The following PRRX2 variants were observed in gnomAD, a reference collection of about 807,000 sequenced individuals.
The protein encoded by PRRX2 is paired related homeobox 2, also known as paired mesoderm homeobox protein 2.
A neutral mutation model predicts 18.0 loss-of-function variants in PRRX2; 11 were observed. The observed-to-expected ratio is 0.61, with a 90% CI of 0.39 to 1.01. The LOEUF is 1.01. Among genes scored for constraint, PRRX2 ranks in the 50% least tolerant of loss-of-function variants. PRRX2 has a pLI of 0.01. For synonymous variants in PRRX2, 177 were observed against 154.8 expected (o/e 1.14, Z -1.06); for missense variants, 387 against 351.0 (o/e 1.10, Z -0.82).
chr9:129,722,653 A>G lies in PRRX2; in HGVS notation c.*301A>G, dbSNP rs1832809988. On this transcript the variant is annotated 3_prime_UTR_variant, in exon 4 of 4. Transcript: ENST00000372469. ...AAAGCTTTTGTCTTTAAGAAATAAA[A>G]CCATTTTTTTAAGCCCCAAAAGGTT... The G allele has an allele frequency of 1.5e-5, 4 of 266,070 alleles. No individual in the cohort carries two copies. The highest frequency in any genetic ancestry group is 2.8e-5 in the Non-Finnish European group (4 of 142,642). The allele number at this position is 266,070 out of a possible 1,614,324, so 16.5% of individuals were successfully genotyped here. A position where few individuals can be genotyped will look rare whatever the true frequency, so the allele number is the denominator to read the frequency against.
At chr9:129,688,354 C>T (rs1038102866) in intron 1 of PRRX2, among the ~76,000 whole-genome samples, 13 of 152,058 alleles carry the variant, frequency 8.5e-5, no homozygotes, top group Admixed American at 5.2e-4. Context: ...TGTGAGTCAC[C>T]GTGCCCGGTC....
At chr9:129,701,465 A>G (rs891428589) in intron 1 of PRRX2, among the ~76,000 whole-genome samples, 1 of 152,256 alleles carries the variant, frequency 6.6e-6, no homozygotes, top group Non-Finnish European at 1.5e-5. Context: ...ATGGAAAGCC[A>G]GAACCAGAAT....
intron 1 of PRRX2, among the ~76,000 whole-genome samples, chr9:129,712,370 C>T (rs959713852): frequency 1.3e-5 from 2 of 152,122 alleles, no homozygotes; most frequent in Non-Finnish European, 2.9e-5. Flanking sequence ...AACGAAGAGG[C>T]TGAGTTTATT....
At chr9:129,708,092 A>G (rs1832579003) in intron 1 of PRRX2, among the ~76,000 whole-genome samples, 3 of 152,004 alleles carry the variant, frequency 2.0e-5, no homozygotes, top group Non-Finnish European at 4.4e-5. Context: ...GCTAGAGTGC[A>G]GTGCGTGATC....
intron 1 of PRRX2, among the ~76,000 whole-genome samples, chr9:129,682,519 G>A (rs533297862): frequency 2.0e-5 from 3 of 152,032 alleles, no homozygotes; most frequent in South Asian, 2.1e-4. Flanking sequence ...CCACTCCTCC[G>A]CCCCAGCCCC....
chr9:129,697,909 T>TG (rs1249660350), intron 1 of PRRX2, among the ~76,000 whole-genome samples: 7 of 151,064 alleles, frequency 4.6e-5, no homozygotes, highest in Non-Finnish European at 7.4e-5. Flanking sequence ...ATGAGGCCTT[T>TG]GGGGCATGCG....
intron 1 of PRRX2, among the ~76,000 whole-genome samples, chr9:129,684,524 C>CACACACACACA (rs1564147490): frequency 0.013 from 565 of 45,048 alleles, 14 homozygotes; most frequent in African/African-American, 0.025. Flanking sequence ...ACACACACAC[C>CACACACACACA]CACACACACC....
intron 1 of PRRX2, among the ~76,000 whole-genome samples, chr9:129,699,430 A>ATAT (rs1554724066): frequency 7.0e-6 from 1 of 143,874 alleles, no homozygotes; most frequent in Non-Finnish European, 1.5e-5. Flanking sequence ...TCTCAAAAAA[A>ATAT]ATATATATAT....
intron 1 of PRRX2, among the ~76,000 whole-genome samples, chr9:129,698,257 CGGGGGGGGGGGG>C (rs56233939): frequency 4.9e-5 from 1 of 20,600 alleles, no homozygotes; most frequent in Non-Finnish European, 1.1e-4. Flanking sequence ...TTGGATGGGG[CGGGGGGGGGGGG>C]GGGCGGGGGC....
chr9:129,711,342 T>C (rs923504069), intron 1 of PRRX2, among the ~76,000 whole-genome samples: 1 of 151,756 alleles, frequency 6.6e-6, no homozygotes, highest in African/African-American at 2.4e-5. Context: ...CGTGTTGGGT[T>C]GTTATGAGGG....
At chr9:129,716,591 AT>A (rs1232173117) in intron 1 of PRRX2, among the ~76,000 whole-genome samples, 1 of 151,598 alleles carries the variant, frequency 6.6e-6, no homozygotes, top group Non-Finnish European at 1.5e-5. Context: ...AGTAGCTGGG[AT>A]TACAGGCATG....
chr9:129,698,958 C>T (rs1832462795), intron 1 of PRRX2, among the ~76,000 whole-genome samples: 1 of 152,206 alleles, frequency 6.6e-6, no homozygotes, highest in South Asian at 2.1e-4. Flanking sequence ...GCTGGAGGGC[C>T]ATCAGGATAG....
In PRRX2 at chr9:129,717,325, G is replaced by A. The variant is rs527385987; in HGVS notation, c.260-1906G>A. On this transcript the variant is annotated intron_variant, in intron 1 of 3. Coordinates refer to ENST00000372469, the MANE Select transcript of PRRX2 (RefSeq NM_016307.4). ...CCTCAAGTAATCCACCTGCCTCAGCGTCCCGAAGTGATGGGATTACAGGTG... is the reference window on the plus strand; with the variant it reads ...CCTCAAGTAATCCACCTGCCTCAGCATCCCGAAGTGATGGGATTACAGGTG... 1.5e-3 allele frequency among the ~76,000 whole-genome samples: 227 copies of A among 152,074 alleles called. 3 individuals carry two copies. The South Asian group carries it at 0.023, about 15-fold the overall frequency.
chr9:129,680,505 C>T (rs1351642323), intron 1 of PRRX2, among the ~76,000 whole-genome samples: 4 of 95,466 alleles, frequency 4.2e-5, no homozygotes, highest in African/African-American at 8.5e-5. Context: ...GGAGGAGGGG[C>T]AGATGTCCCA....
intron 2 of PRRX2, 101 bp from the exon 3 acceptor site, chr9:129,720,495 T>C: frequency 8.4e-7 from 1 of 1,189,304 alleles, no homozygotes; most frequent in Non-Finnish European, 1.2e-6. Flanking sequence ...GAGGTGACGC[T>C]GCCAGCCCTG....
At position 129,675,902 on chromosome 9, in the gene PRRX2, C is replaced by G. The variant is rs937052127; in HGVS notation, c.259+9776C>G. ...GAGGTCTTGAAAGCCAGTGCACCTC[C>G]TTTCATTAGACTAACAAATAACGCG... On this transcript the variant is annotated intron_variant, in intron 1 of 3. Coordinates refer to ENST00000372469, the MANE Select transcript of PRRX2 (RefSeq NM_016307.4). This position sits in a 1 kb window ranked among gnomAD's most constrained non-coding sequence, Gnocchi z 4.4. Among the ~76,000 whole-genome samples, 3 of 152,220 alleles carry G rather than the reference C, an allele frequency of 2.0e-5. No homozygotes were observed. Among genetic ancestry groups the G allele is most frequent in the Non-Finnish European group, 4.4e-5 (3 of 68,040 alleles).
At chr9:129,712,297 C>T (rs562423572) in intron 1 of PRRX2, among the ~76,000 whole-genome samples, 7 of 152,234 alleles carry the variant, frequency 4.6e-5, no homozygotes, top group Admixed American at 3.9e-4. Context: ...GGGTCAGGCG[C>T]AAACTGACTA....
At position 129,719,220 on chromosome 9, in the gene PRRX2, A is replaced by C. The variant is rs1588177544; in HGVS notation, c.260-11A>C. 1.3e-6 allele frequency: 2 copies of C among 1,558,138 alleles called. No individual in the cohort carries two copies. Among genetic ancestry groups the C allele is most frequent in the Middle Eastern group, 1.7e-4 (1 of 5,802 alleles). On this transcript the variant is annotated splice_polypyrimidine_tract_variant and intron_variant, in intron 1 of 3. Coordinates refer to ENST00000372469, the MANE Select transcript of PRRX2 (RefSeq NM_016307.4). Reference sequence around the variant, plus strand: ...GTCCTGCTGACCATCCCGCCCCCCCAACCTCCGCAGGTGAGTGTCCCAGCC... The same window carrying C: ...GTCCTGCTGACCATCCCGCCCCCCCCACCTCCGCAGGTGAGTGTCCCAGCC...
At chr9:129,699,668 A>G (rs59196172) in intron 1 of PRRX2, among the ~76,000 whole-genome samples, 6,296 of 152,208 alleles carry the variant, frequency 0.041, 461 homozygotes, top group African/African-American at 0.14. Flanking sequence ...AGGACCTGCT[A>G]TGCATCCGCC....
Sources: allele counts gnomAD v4.1 joint callset (sites outside exome capture counted in the v4.1 genomes callset), GRCh38; gene constraint gnomAD v4.1.1; non-coding constraint Gnocchi (gnomAD v3.1); transcripts MANE v1.5; gene names NCBI Gene and HGNC (gene_info 2026-07-23, HGNC 2026-07-21).